SCAPER: variants seen among roughly 807,000 people sequenced by gnomAD.
SCAPER encodes S-phase cyclin A associated protein in the ER, also known as S phase cyclin A-associated protein in the endoplasmic reticulum.
A neutral mutation model predicts 182.2 loss-of-function variants in SCAPER; 98 were observed. The ratio of observed to expected loss-of-function variants is 0.54; its 90% confidence interval spans 0.46 to 0.64. SCAPER has a LOEUF of 0.64. Among genes scored for constraint, SCAPER ranks in the 30% least tolerant of loss-of-function variants. The pLI is 0.00. For synonymous variants in SCAPER, 605 were observed against 564.6 expected (o/e 1.07, Z -1.01); for missense variants, 1,432 against 1,690.0 (o/e 0.85, Z 2.68).
intron 5 of SCAPER, among the ~76,000 whole-genome samples, chr15:76,809,773 G>A (rs922779918): frequency 1.6e-4 from 25 of 151,964 alleles, no homozygotes; most frequent in Admixed American, 1.4e-3. Flanking sequence ...ATAACTAGAC[G>A]AATCCAGAGA....
At chr15:76,811,384 A>C (rs2066608598) in intron 5 of SCAPER, among the ~76,000 whole-genome samples, 1 of 152,236 alleles carries the variant, frequency 6.6e-6, no homozygotes, top group Non-Finnish European at 1.5e-5. Flanking sequence ...AAATTAAATG[A>C]GACACTCTTG....
In SCAPER at chr15:76,351,218, A is replaced by C; in HGVS notation, c.4099+19T>G. 1 of 1,596,564 alleles carries C rather than the reference A, an allele frequency of 6.3e-7. No individual in the cohort carries two copies. The highest frequency in any genetic ancestry group is 8.5e-7 in the Non-Finnish European group (1 of 1,170,998). On this transcript the variant is annotated intron_variant, in intron 31 of 31. Coordinates refer to ENST00000563290, the MANE Select transcript of SCAPER (RefSeq NM_020843.4). ...TTTGGCTAACAAACACATGAAATTT[A>C]ATTTCAATAGAGACATACCTTTGGG...
chr15:76,740,663 G>C lies in SCAPER; in HGVS notation c.1867-7279C>G, dbSNP rs147768105. 5.1e-4 allele frequency among the ~76,000 whole-genome samples: 78 copies of C among 152,190 alleles called. 1 individual carries two copies. The highest frequency in any genetic ancestry group is 1.8e-3 in the African/African-American group (73 of 41,534). ...AATGCCACAGGCCTAAAATATGTAA[G>C]AACTCAAGGGACAGAGCATATATGA... On this transcript the variant is annotated intron_variant, in intron 15 of 31. Transcript: ENST00000563290.
At chr15:76,486,945 T>C (rs1480805881) in intron 24 of SCAPER, among the ~76,000 whole-genome samples, 2 of 152,070 alleles carry the variant, frequency 1.3e-5, no homozygotes, top group African/African-American at 4.8e-5. Flanking sequence ...TCAACCTAAA[T>C]GCCAACGATT....
intron 15 of SCAPER, among the ~76,000 whole-genome samples, chr15:76,751,832 G>C (rs2062103877): frequency 6.6e-6 from 1 of 151,578 alleles, no homozygotes; most frequent in African/African-American, 2.4e-5. Context: ...TGATTTATTG[G>C]ATATGACACC....
At chr15:76,732,194 A>T (rs2060958650) in intron 16 of SCAPER, among the ~76,000 whole-genome samples, 1 of 152,166 alleles carries the variant, frequency 6.6e-6, no homozygotes, top group South Asian at 2.1e-4. Flanking sequence ...CTAGCTTTAA[A>T]TCTAAAATAT....
At chr15:76,874,057 T>C (rs1388397280) in intron 2 of SCAPER, among the ~76,000 whole-genome samples, 1 of 152,118 alleles carries the variant, frequency 6.6e-6, no homozygotes, top group Non-Finnish European at 1.5e-5. Flanking sequence ...CACGCCTGGC[T>C]AATTTACTGT....
At chr15:76,545,466 A>G (rs568563164) in intron 23 of SCAPER, among the ~76,000 whole-genome samples, 1 of 152,298 alleles carries the variant, frequency 6.6e-6, no homozygotes, top group African/African-American at 2.4e-5. Context: ...CATGGTTAGA[A>G]AACAGACATT....
chr15:76,489,849 T>C (rs1338570878), intron 24 of SCAPER, among the ~76,000 whole-genome samples: 1 of 152,194 alleles, frequency 6.6e-6, no homozygotes, highest in African/African-American at 2.4e-5. Flanking sequence ...TCTGCTTCTG[T>C]GAATTTAAAT....
In SCAPER at chr15:76,526,473, T is replaced by C. The variant is rs1214462652; in HGVS notation, c.2839-21499A>G. 3.9e-5 allele frequency among the ~76,000 whole-genome samples: 6 copies of C among 152,170 alleles called. No homozygotes were observed. In the East Asian group the frequency reaches 1.2e-3, roughly 29 times the overall value. On this transcript the variant is annotated intron_variant, in intron 23 of 31. Coordinates refer to ENST00000563290, the MANE Select transcript of SCAPER (RefSeq NM_020843.4). Reference sequence around the variant, plus strand: ...TATTCAATTCTTGAAAATTATCAGGTGTTTTATGTCAAATAGTGCTAATTC... The same window carrying C: ...TATTCAATTCTTGAAAATTATCAGGCGTTTTATGTCAAATAGTGCTAATTC...
chr15:76,722,591 G>A (rs1415683720), intron 17 of SCAPER, among the ~76,000 whole-genome samples: 1 of 152,144 alleles, frequency 6.6e-6, no homozygotes, highest in Non-Finnish European at 1.5e-5. Context: ...ATTAATTATT[G>A]CCTCAATTTC....
At chr15:76,506,580 G>A (rs1459806967) in intron 23 of SCAPER, among the ~76,000 whole-genome samples, 3 of 151,998 alleles carry the variant, frequency 2.0e-5, no homozygotes, top group African/African-American at 7.2e-5. Context: ...GAAAATTGAA[G>A]TTTTAAGACA....
At chr15:76,530,162 G>A (rs1012063744) in intron 23 of SCAPER, among the ~76,000 whole-genome samples, 2 of 152,146 alleles carry the variant, frequency 1.3e-5, no homozygotes, top group African/African-American at 2.4e-5. Flanking sequence ...AGGAATGTGC[G>A]CTAATGAGAA....
intron 14 of SCAPER, among the ~76,000 whole-genome samples, chr15:76,754,704 GT>G (rs10711468): frequency 0.98 from 148,696 of 152,026 alleles, 72,796 homozygotes; most frequent in East Asian, 1. Context: ...CATTTTAATT[GT>G]TTTTTTCTCT....
chr15:76,361,116 T>A (rs1336943577), intron 29 of SCAPER, among the ~76,000 whole-genome samples: 3 of 152,034 alleles, frequency 2.0e-5, no homozygotes, highest in African/African-American at 7.2e-5. Flanking sequence ...TTTGCAGATT[T>A]CACATTTGTA....
intron 21 of SCAPER, among the ~76,000 whole-genome samples, chr15:76,628,534 T>TC (rs2052798218): frequency 6.6e-6 from 1 of 152,228 alleles, no homozygotes; most frequent in Admixed American, 6.5e-5. Flanking sequence ...GAATAGGGAA[T>TC]CCTTTCCCCA....
chr15:76,369,533 G>A (rs1374208362), intron 29 of SCAPER, among the ~76,000 whole-genome samples: 1 of 152,124 alleles, frequency 6.6e-6, no homozygotes, highest in Admixed American at 6.5e-5. Flanking sequence ...CCTACAATAT[G>A]AGGGAGATGG....
intron 21 of SCAPER, among the ~76,000 whole-genome samples, chr15:76,656,517 C>CG (rs2146626037): frequency 6.6e-6 from 1 of 152,186 alleles, no homozygotes; most frequent in Non-Finnish European, 1.5e-5. Flanking sequence ...CAATGATATT[C>CG]GGGGCCTGAA....
At chr15:76,443,845 A>C (rs1471518396) in intron 25 of SCAPER, among the ~76,000 whole-genome samples, 1 of 152,228 alleles carries the variant, frequency 6.6e-6, no homozygotes, top group Non-Finnish European at 1.5e-5. Context: ...ACATGGCTTT[A>C]CCAGTATGAT....
Sources: gnomAD v4.1 joint callset for allele counts (sites outside exome capture counted in the v4.1 genomes callset) on GRCh38, gnomAD v4.1.1 for gene constraint, MANE v1.5 for transcripts, NCBI Gene and HGNC (gene_info 2026-07-23, HGNC 2026-07-21) for gene names.